Variants in C12orf71 observed in about 807,000 individuals in gnomAD.
C12orf71 encodes chromosome 12 open reading frame 71, also known as uncharacterized protein C12orf71.
Under a neutral mutation model 11.7 loss-of-function variants are expected in C12orf71, and 10 were observed. The ratio of observed to expected loss-of-function variants is 0.86; its 90% CI spans 0.53 to 1.45. The LOEUF (loss-of-function observed/expected upper bound fraction) is 1.45. Among genes scored for constraint, C12orf71 ranks in the 40% most tolerant of loss-of-function variants. C12orf71 has a pLI of 0.00. For synonymous variants in C12orf71, 110 were observed against 123.4 expected, an observed-to-expected ratio of 0.89 and a Z score of 0.72; for missense variants, 293 against 325.8, an observed-to-expected ratio of 0.90 and a Z score of 0.78.
rs370647536 is a variant in C12orf71, at chr12:27,081,361, T to C, written c.623A>G (p.Gln208Arg). ...GGCCCACCCAAAGTTCAGGCAGCAC[T>C]GGGCCTGTGTGTGTGAAGGAGTGTC... Reference protein sequence around the residue: ...KDDTPSHTQAQCCLNFGWAFS... With the variant: ...KDDTPSHTQARCCLNFGWAFS... Residue 208 changes from glutamine (Q) to arginine (R), a missense_variant, in exon 2 of 2, where the codon CAG becomes CGG. Coordinates refer to ENST00000429849, the MANE Select transcript of C12orf71 (RefSeq NM_001080406.2). The C allele has an allele frequency of 1.2e-6, 2 of 1,613,994 alleles. No homozygotes were observed. The highest frequency in any genetic ancestry group is 2.7e-5 in the African/African-American group (2 of 75,052).
At chr12:27,081,726 CTTG>C (rs1941934305) in intron 1 of C12orf71, 1 of 701,722 alleles carries the variant, frequency 1.4e-6, no homozygotes, top group Non-Finnish European at 2.6e-6. Context: ...GACTCCTTTC[CTTG>C]TTGTCTCCCA....
At position 27,082,243 on chromosome 12, in the gene C12orf71, C is replaced by G. The variant is rs1317905568; in HGVS notation, c.241G>C (p.Glu81Gln). Residue 81 changes from glutamate to glutamine, a missense_variant, in exon 1 of 2, where the codon GAG becomes CAG. Coordinates refer to ENST00000429849, the MANE Select transcript of C12orf71 (RefSeq NM_001080406.2). ...KRQDQIQDEP[E>Q]QFCKLSIFLA... ...AAGATGCTTAGTTTGCAAAACTGCT[C>G]TGGTTCATCCTGAATTTGGTCTTGT... 1 of 1,613,116 alleles carries G rather than the reference C, an allele frequency of 6.2e-7. No individual in the cohort carries two copies. Among genetic ancestry groups the G allele is most frequent in the South Asian group, 1.1e-5 (1 of 90,956 alleles).
Position 27,081,967 on chromosome 12 carries a change from C to A in C12orf71, c.516+1G>T. The A allele has an allele frequency of 6.3e-7, 1 of 1,576,796 alleles. No individual in the cohort carries two copies. The highest frequency in any genetic ancestry group is 8.6e-7 in the Non-Finnish European group (1 of 1,159,430). On this transcript the variant is annotated splice_donor_variant, in intron 1 of 1. Coordinates refer to ENST00000429849, the MANE Select transcript of C12orf71 (RefSeq NM_001080406.2). LOFTEE classifies it high-confidence loss of function. ...CAAGCATCATATTCCTGATGACTGACCTGAACCATTTCCGGAGGGGAGCCG... is the reference window on the plus strand; with the variant it reads ...CAAGCATCATATTCCTGATGACTGAACTGAACCATTTCCGGAGGGGAGCCG...
At chr12:27,082,606 T>C, upstream of C12orf71, 3 of 626,156 alleles carry the variant, frequency 4.8e-6, no homozygotes, top group Non-Finnish European at 4.9e-6. Flanking sequence ...CATTCCCTTC[T>C]CTTTTTTCTT....
Position 27,081,461 on chromosome 12 carries a change from T to TTA in C12orf71, c.521_522dup (p.Ser175Ter). ...GTCCTTTGGCTGGCGGTTGCCTGGCTTATCATCTGCCATGAAAATGAAGGA... is the reference window on the plus strand; with the variant it reads ...GTCCTTTGGCTGGCGGTTGCCTGGCTTATATCATCTGCCATGAAAATGAAGGA... On this transcript the variant is annotated frameshift_variant, in exon 2 of 2. Transcript: ENST00000429849. LOFTEE classifies it low-confidence loss of function (END_TRUNC). 6.2e-7 allele frequency: 1 copy of TTA among 1,606,586 alleles called. No individual in the cohort carries two copies. Among genetic ancestry groups the TTA allele is most frequent in the Non-Finnish European group, 8.5e-7 (1 of 1,174,406 alleles).
rs1941929948 is a variant in C12orf71, at chr12:27,081,295, C to T, written c.689G>A (p.Arg230Lys). 1 of 1,613,966 alleles carries T rather than the reference C, an allele frequency of 6.2e-7. No individual in the cohort carries two copies. Among genetic ancestry groups the T allele is most frequent in the Non-Finnish European group, 8.5e-7 (1 of 1,179,888 alleles). Reference sequence around the variant, plus strand: ...GGTGGCATTCACAGGGTGATCCCTCCTCAGCAGAGAGGGGAGGATACGCTG... The same window carrying T: ...GGTGGCATTCACAGGGTGATCCCTCTTCAGCAGAGAGGGGAGGATACGCTG... Reference protein sequence around the residue: ...LRQRILPSLLRRDHPVNATKS... With the variant: ...LRQRILPSLLKRDHPVNATKS... The change falls in exon 2 of 2, where the codon AGG becomes AAG. Residue 230 changes from arginine to lysine, a missense_variant. By Grantham distance (26) the Arg-to-Lys change is conservative. Transcript: ENST00000429849.
At position 27,081,459 on chromosome 12, in the gene C12orf71, G is replaced by A. The variant is rs1231129312; in HGVS notation, c.525C>T (p.Ser175=). ...TTGTCCTTTGGCTGGCGGTTGCCTG[G>A]CTTATCATCTGCCATGAAAATGAAG... is the stretch of plus-strand genomic sequence containing the variant. The part of the protein sequence containing the change: ...GSPPEMVQMI[S]QATASQRTSA... The change falls in exon 2 of 2, where the codon AGC becomes AGT. Residue 175 remains serine, a synonymous_variant. Transcript: ENST00000429849. 6.2e-7 allele frequency: 1 copy of A among 1,606,582 alleles called. No homozygotes were observed. Among genetic ancestry groups the A allele is most frequent in the East Asian group, 2.2e-5 (1 of 44,700 alleles).
At position 27,081,744 on chromosome 12, in the gene C12orf71, TA is replaced by T. The variant is rs1301852004; in HGVS notation, c.516+223del. ...TCCTTTCCTTGTTGTCTCCCACTGGTATCACGTCAGTCCCCCTGGGACCTGC... is the reference window on the plus strand; with the variant it reads ...TCCTTTCCTTGTTGTCTCCCACTGGTTCACGTCAGTCCCCCTGGGACCTGC... On this transcript the variant is annotated intron_variant, in intron 1 of 1. Transcript: ENST00000429849. 32 of 713,106 alleles carry T rather than the reference TA, an allele frequency of 4.5e-5. No homozygotes were observed. The African/African-American group carries it at 4.9e-4, about 11-fold the overall frequency. 44.2% of individuals were successfully genotyped at this position (713,106 alleles called of 1,614,324 possible). A position where few individuals can be genotyped will look rare whatever the true frequency, so the allele number is the denominator to read the frequency against.
chr12:27,081,962 A>G lies in C12orf71; in HGVS notation c.516+6T>C. ...CTTGACAAGCATCATATTCCTGATG[A>G]CTGACCTGAACCATTTCCGGAGGGG... On this transcript the variant is annotated splice_donor_region_variant and intron_variant, in intron 1 of 1. Transcript: ENST00000429849. 1 of 1,574,588 alleles carries G rather than the reference A, an allele frequency of 6.4e-7. No individual in the cohort carries two copies. The highest frequency in any genetic ancestry group is 8.6e-7 in the Non-Finnish European group (1 of 1,158,210).
At position 27,082,162 on chromosome 12, in the gene C12orf71, G is replaced by A; in HGVS notation, c.322C>T (p.Leu108Phe). The change falls in exon 1 of 2, where the codon CTT becomes TTT. Residue 108 changes from leucine (L) to phenylalanine (F), a missense_variant. Transcript: ENST00000429849. ...ATCCACAGGTTGTCTCCATTTAGAA[G>A]CCTATTAGCTCTTGAGTCTGTGTTA... ...SDNTDSRANR[L>F]LNGDNLWIDK... 1 of 1,613,870 alleles carries A rather than the reference G, an allele frequency of 6.2e-7. No individual in the cohort carries two copies. The highest frequency in any genetic ancestry group is 8.5e-7 in the Non-Finnish European group (1 of 1,179,832).
chr12:27,081,359 A>G lies in C12orf71; in HGVS notation c.625T>C (p.Cys209Arg). The G allele has an allele frequency of 6.2e-7, 1 of 1,613,980 alleles. No homozygotes were observed. The highest frequency in any genetic ancestry group is 8.5e-7 in the Non-Finnish European group (1 of 1,179,886). ...AAGGCCCACCCAAAGTTCAGGCAGC[A>G]CTGGGCCTGTGTGTGTGAAGGAGTG... The part of the protein sequence containing the change: ...DDTPSHTQAQ[C>R]CLNFGWAFSW... The change falls in exon 2 of 2, where the codon TGC becomes CGC. Residue 209 changes from cysteine to arginine, a missense_variant. Cys to Arg is a radical substitution (Grantham distance 180). Coordinates refer to ENST00000429849, the MANE Select transcript of C12orf71 (RefSeq NM_001080406.2).
chr12:27,083,005 A>G (rs1349882315), upstream of C12orf71, among the ~76,000 whole-genome samples: 1 of 150,778 alleles, frequency 6.6e-6, no homozygotes, highest in African/African-American at 2.4e-5. Flanking sequence ...CAGTGGTGTG[A>G]TGTCAGCTCA....
intron 1 of C12orf71, 53 bp from the exon 2 acceptor site, chr12:27,081,520 A>C: frequency 6.5e-7 from 1 of 1,535,612 alleles, no homozygotes. Context: ...ACAACAGCCA[A>C]ATCAACGTTT....
In C12orf71 at chr12:27,081,446, T is replaced by A. The variant is rs1361079236; in HGVS notation, c.538A>T (p.Ser180Cys). Residue 180 changes from serine (S) to cysteine (C), a missense_variant, in exon 2 of 2, where the codon AGC (serine) becomes TGC (cysteine). Ser to Cys is a moderately radical substitution (Grantham distance 112). Coordinates refer to ENST00000429849, the MANE Select transcript of C12orf71 (RefSeq NM_001080406.2). ...ATCTCTGGAGCGCTTGTCCTTTGGCTGGCGGTTGCCTGGCTTATCATCTGC... is the reference window on the plus strand; with the variant it reads ...ATCTCTGGAGCGCTTGTCCTTTGGCAGGCGGTTGCCTGGCTTATCATCTGC... ...MVQMISQATA[S>C]QRTSAPEISS... 1 of 1,610,074 alleles carries A rather than the reference T, an allele frequency of 6.2e-7. No individual in the cohort carries two copies. Among genetic ancestry groups the A allele is most frequent in the African/African-American group, 1.3e-5 (1 of 74,844 alleles).
chr12:27,082,589 C>A, upstream of C12orf71: 1 of 794,758 alleles, frequency 1.3e-6, no homozygotes, highest in Non-Finnish European at 1.8e-6. Flanking sequence ...TAAGCAAAAA[C>A]ATTATCCATT....
chr12:27,081,992 G>A lies in C12orf71; in HGVS notation c.492C>T (p.Ser164=), dbSNP rs755237630. ...ETAQQDFQLS[S]GSPPEMVQMI... ...CCTGAACCATTTCCGGAGGGGAGCC[G>A]CTGGATAGCTGGAAATCTTGCTGAG... is the stretch of plus-strand genomic sequence containing the variant. The change falls in exon 1 of 2, where the codon AGC becomes AGT. Residue 164 remains serine, a synonymous_variant. Transcript: ENST00000429849. 2.2e-5 allele frequency: 35 copies of A among 1,583,536 alleles called. 2 individuals are homozygous for A. The East Asian group carries it at 3.6e-4, about 16-fold the overall frequency.
upstream of C12orf71, among the ~76,000 whole-genome samples, chr12:27,082,982 C>T (rs1256393488): frequency 2.6e-5 from 4 of 151,182 alleles, no homozygotes; most frequent in Admixed American, 2.6e-4. Context: ...GCTCTGTTGT[C>T]CAGGCTGGAG....
At chr12:27,082,842 G>T (rs1187912020), upstream of C12orf71, among the ~76,000 whole-genome samples, 2 of 152,074 alleles carry the variant, frequency 1.3e-5, no homozygotes, top group Admixed American at 6.5e-5. Context: ...CCTCCAAAGT[G>T]CTGGGATTAT....
intron 1 of C12orf71, 58 bp from the exon 2 acceptor site, chr12:27,081,525 A>G (rs1244684924): frequency 2.0e-6 from 3 of 1,519,116 alleles, no homozygotes; most frequent in Non-Finnish European, 2.7e-6. Context: ...AGCCAAATCA[A>G]CGTTTACTCA....
Sources: gnomAD v4.1 joint callset for allele counts (sites outside exome capture counted in the v4.1 genomes callset) on GRCh38, gnomAD v4.1.1 for gene constraint, MANE v1.5 for transcripts, NCBI Gene and HGNC (gene_info 2026-07-23, HGNC 2026-07-21) for gene names.